Variants in FBP2 observed in about 807,000 individuals in gnomAD.
The protein encoded by FBP2 is fructose-1,6-bisphosphatase isozyme 2.
In FBP2, 27 loss-of-function variants were observed where a neutral mutation model predicts 31.6. That is an observed-to-expected ratio of 0.85 (90% CI 0.63 to 1.18). The LOEUF (loss-of-function observed/expected upper bound fraction) is 1.18. Among genes scored for constraint, FBP2 ranks in the 50% most tolerant of loss-of-function variants. The probability of loss-of-function intolerance (pLI) is 0.00; values close to 1 mark genes in which losing one functional copy is unlikely to be tolerated. For synonymous variants in FBP2, 168 were observed against 179.8 expected, an observed-to-expected ratio of 0.93 and a Z score of 0.53; for missense variants, 421 against 436.1, an observed-to-expected ratio of 0.97 and a Z score of 0.31.
At position 94,567,276 on chromosome 9, in the gene FBP2, G is replaced by A; in HGVS notation, c.699C>T (p.Phe233=). The change falls in exon 5 of 7, where the codon TTC becomes TTT. Residue 233 remains phenylalanine (F), a synonymous_variant. Transcript: ENST00000375337. ...CCTGGCTTTCTTCACTCACCTCAGG[G>A]AATTTCTTTTTCTGCACATATTCAG... is the stretch of plus-strand genomic sequence containing the variant. The part of the protein sequence containing the change: ...ATTEYVQKKK[F]PEDGSAPYGA... 1 of 1,614,108 alleles carries A rather than the reference G, an allele frequency of 6.2e-7. No homozygotes were observed. Among genetic ancestry groups the A allele is most frequent in the Non-Finnish European group, 8.5e-7 (1 of 1,180,022 alleles).
intron 3 of FBP2, among the ~76,000 whole-genome samples, chr9:94,580,046 C>G (rs1400760709): frequency 6.6e-6 from 1 of 152,210 alleles, no homozygotes; most frequent in East Asian, 1.9e-4. Context: ...AATAGGCTTC[C>G]CCTAAAGAGA....
intron 6 of FBP2, among the ~76,000 whole-genome samples, chr9:94,561,611 C>A: frequency 1.3e-5 from 2 of 152,172 alleles, no homozygotes; most frequent in African/African-American, 4.8e-5. Context: ...GTGATCCACC[C>A]GCCTTGGCCT....
chr9:94,578,822 G>A (rs1224885123), intron 3 of FBP2, among the ~76,000 whole-genome samples: 1 of 151,918 alleles, frequency 6.6e-6, no homozygotes, highest in African/African-American at 2.4e-5. Flanking sequence ...GGAAGGCTGA[G>A]GCAGGCGGAT....
Position 94,567,269 on chromosome 9 carries a change from C to A in FBP2, c.705+1G>T. ...CCACCCACCTGGCTTTCTTCACTCA[C>A]CTCAGGGAATTTCTTTTTCTGCACA... On this transcript the variant is annotated splice_donor_variant, in intron 5 of 6. Coordinates refer to ENST00000375337, the MANE Select transcript of FBP2 (RefSeq NM_003837.4). LOFTEE classifies it high-confidence loss of function. 1 of 1,614,154 alleles carries A rather than the reference C, an allele frequency of 6.2e-7. No individual in the cohort carries two copies. The highest frequency in any genetic ancestry group is 1.1e-5 in the South Asian group (1 of 91,080).
At chr9:94,582,339 TGTGTGTGTGTGC>T (rs1052434940) in intron 3 of FBP2, among the ~76,000 whole-genome samples, 1 of 109,328 alleles carries the variant, frequency 9.1e-6, no homozygotes, top group African/African-American at 3.8e-5. Flanking sequence ...CTGTTAAATA[TGTGTGTGTGTGC>T]GTGTGTGTGT....
chr9:94,585,680 T>A (rs547202929), intron 2 of FBP2, among the ~76,000 whole-genome samples: 36 of 152,168 alleles, frequency 2.4e-4, no homozygotes, highest in Non-Finnish European at 4.7e-4. Flanking sequence ...TGGAGTGCAG[T>A]GGTGTGGTCA....
At chr9:94,593,437 T>A in intron 1 of FBP2, 120 bp downstream of exon 1, 1 of 887,892 alleles carries the variant, frequency 1.1e-6, no homozygotes, top group Non-Finnish European at 1.6e-6. Context: ...GCAGCTTCCA[T>A]CTAGGGCACA....
intron 3 of FBP2, among the ~76,000 whole-genome samples, chr9:94,574,982 A>T (rs1452316836): frequency 1.3e-5 from 2 of 152,176 alleles, no homozygotes; most frequent in African/African-American, 2.4e-5. Flanking sequence ...ATCTGAGCCC[A>T]TCAGATAAGT....
chr9:94,586,587 C>A (rs1827430394), intron 2 of FBP2: 1 of 152,170 alleles, frequency 6.6e-6, no homozygotes, highest in African/African-American at 2.4e-5. Flanking sequence ...GTGCCTTTTG[C>A]AGTACCTGGC....
chr9:94,573,102 A>G (rs1827285415), intron 3 of FBP2: 1 of 152,154 alleles, frequency 6.6e-6, no homozygotes, highest in Non-Finnish European at 1.5e-5. Flanking sequence ...AACTTTCAGG[A>G]TTACATATGT....
intron 1 of FBP2, among the ~76,000 whole-genome samples, chr9:94,590,075 G>A (rs902378174): frequency 3.3e-5 from 5 of 150,822 alleles, no homozygotes; most frequent in South Asian, 2.1e-4. Flanking sequence ...CCCCTCAGCC[G>A]ACCCCCTGCA....
chr9:94,567,554 G>A, intron 4 of FBP2, 147 bp from the exon 5 acceptor site: 1 of 820,984 alleles, frequency 1.2e-6, no homozygotes, highest in Non-Finnish European at 1.9e-6. Flanking sequence ...GCTCTTTGGT[G>A]TTTTCATGAG....
chr9:94,584,155 C>T (rs10739976), intron 3 of FBP2, among the ~76,000 whole-genome samples: 63,284 of 151,968 alleles, frequency 0.42, 14,090 homozygotes, highest in Admixed American at 0.52. Context: ...GGGAGATCAC[C>T]GTGGACCTTC....
Position 94,559,206 on chromosome 9 carries a change from G to T in FBP2, c.826-74C>A, listed in dbSNP as rs1469411320. On this transcript the variant is annotated intron_variant, in intron 6 of 6. Transcript: ENST00000375337. ...TCCCGAGCCATGCCCCTAAAGCTGG[G>T]GGAGGAGTTTGTACTGCGGTGCTTC... The T allele has an allele frequency of 3.6e-6, 5 of 1,392,410 alleles. No individual in the cohort carries two copies. In the African/African-American group the frequency reaches 4.3e-5, roughly 12 times the overall value. The allele number at this position is 1,392,410 out of a possible 1,614,324, so 86.3% of individuals were successfully genotyped here.
chr9:94,591,321 GAGCGC>G (rs1451206127), intron 1 of FBP2, among the ~76,000 whole-genome samples: 2 of 152,234 alleles, frequency 1.3e-5, no homozygotes, highest in African/African-American at 4.8e-5. Context: ...GCGAGAAATC[GAGCGC>G]AGCGCCAGTG....
intron 1 of FBP2, among the ~76,000 whole-genome samples, chr9:94,591,066 G>A (rs1369377775): frequency 1.3e-5 from 2 of 152,236 alleles, no homozygotes; most frequent in African/African-American, 4.8e-5. Flanking sequence ...AGACTCAGGA[G>A]CCCAGCTGGC....
In FBP2 at chr9:94,571,513, G is replaced by T. The variant is rs552321762; in HGVS notation, c.516C>A (p.Thr172=). Reference sequence around the variant, plus strand: ...CTTGCCCTGTGGAGAGAGCCACCAGGGTTGCACTACCGTACAGCGCATAAC... The same window carrying T: ...CTTGCCCTGTGGAGAGAGCCACCAGTGTTGCACTACCGTACAGCGCATAAC... ...AAGYALYGSA[T]LVALSTGQGV... is the part of the protein sequence containing the mutation. The change falls in exon 4 of 7, where the codon ACC becomes ACA. Residue 172 remains threonine, a synonymous_variant. Transcript: ENST00000375337. 5.0e-6 allele frequency: 8 copies of T among 1,613,992 alleles called. No homozygotes were observed. The South Asian group carries it at 8.8e-5, about 18-fold the overall frequency.
chr9:94,574,135 T>C (rs1365678746), intron 3 of FBP2, among the ~76,000 whole-genome samples: 1 of 152,056 alleles, frequency 6.6e-6, no homozygotes, highest in East Asian at 1.9e-4. Context: ...CAAGGCAACC[T>C]GAGATTAACA....
At chr9:94,575,954 A>T (rs1449787524) in intron 3 of FBP2, among the ~76,000 whole-genome samples, 1 of 152,182 alleles carries the variant, frequency 6.6e-6, no homozygotes, top group Non-Finnish European at 1.5e-5. Context: ...TCTCTTAGCT[A>T]TAAAATAGCT....
Sources: allele counts gnomAD v4.1 joint callset (sites outside exome capture counted in the v4.1 genomes callset), GRCh38; gene constraint gnomAD v4.1.1; transcripts MANE v1.5; gene names NCBI Gene and HGNC (gene_info 2026-07-23, HGNC 2026-07-21).